The following LY96 variants were observed in gnomAD, a reference collection of about 807,000 sequenced individuals.
LY96 encodes myeloid differentiation protein-2.
In LY96, 18 loss-of-function variants were observed where a neutral mutation model predicts 18.9. That is an observed-to-expected ratio of 0.95 (90% CI 0.66 to 1.41). The LOEUF (loss-of-function observed/expected upper bound fraction) is 1.41, where lower values mean the gene tolerates loss of function less well. Among genes scored for constraint, LY96 ranks in the 40% most tolerant of loss-of-function variants. The probability of loss-of-function intolerance (pLI) is 0.00; values close to 1 mark genes in which losing one functional copy is unlikely to be tolerated. For missense variants in LY96, 175 were observed against 182.4 expected, an observed-to-expected ratio of 0.96 and a Z score of 0.23; for synonymous variants, 66 against 62.6, an observed-to-expected ratio of 1.06 and a Z score of -0.26.
At chr8:74,004,359 T>C (rs1172700937) in intron 1 of LY96, among the ~76,000 whole-genome samples, 1 of 152,114 alleles carries the variant, frequency 6.6e-6, no homozygotes, top group Non-Finnish European at 1.5e-5. Context: ...AAAAAGTTGG[T>C]GTTCTGGACA....
the LY96 span, among the ~76,000 whole-genome samples, chr8:74,048,451 T>A: frequency 6.6e-6 from 1 of 152,040 alleles, no homozygotes; most frequent in African/African-American, 2.4e-5. Context: ...CGGGTGGGCC[T>A]AAGCAGGCCA....
At chr8:74,024,361 A>C (rs974344953) in intron 3 of LY96, among the ~76,000 whole-genome samples, 1 of 150,472 alleles carries the variant, frequency 6.6e-6, no homozygotes, top group African/African-American at 2.4e-5. Context: ...TAATATATAC[A>C]TATATGACTA....
intron 3 of LY96, among the ~76,000 whole-genome samples, chr8:74,010,566 CTT>C (rs1816509096): frequency 6.6e-6 from 1 of 152,044 alleles, no homozygotes; most frequent in African/African-American, 2.4e-5. Flanking sequence ...AGCAATGTGA[CTT>C]TTGGCATGTT....
intron 2 of LY96, among the ~76,000 whole-genome samples, chr8:74,005,932 A>T (rs1312657830): frequency 2.0e-5 from 3 of 152,246 alleles, no homozygotes; most frequent in African/African-American, 7.2e-5. Flanking sequence ...GAGTAGTTTT[A>T]CATGAATAAG....
At chr8:74,033,554 C>A (rs961135604), downstream of LY96, among the ~76,000 whole-genome samples, 5 of 152,164 alleles carry the variant, frequency 3.3e-5, no homozygotes, top group Admixed American at 1.3e-4. Context: ...TCTTTTTCCC[C>A]TAGGACTGAT....
downstream of LY96, among the ~76,000 whole-genome samples, chr8:74,031,437 C>T (rs1816967689): frequency 6.6e-6 from 1 of 151,974 alleles, no homozygotes; most frequent in African/African-American, 2.4e-5. Flanking sequence ...ACCAGCCTGG[C>T]CAGTATGGTG....
intron 1 of LY96, among the ~76,000 whole-genome samples, chr8:73,996,523 T>C (rs1816150709): frequency 6.6e-6 from 1 of 151,642 alleles, no homozygotes; most frequent in East Asian, 1.9e-4. Flanking sequence ...GTTCAAGCGA[T>C]TTTCGTGCCT....
chr8:74,065,795 A>C, the LY96 span, among the ~76,000 whole-genome samples: 1 of 152,246 alleles, frequency 6.6e-6, no homozygotes, highest in African/African-American at 2.4e-5. Context: ...ACTGAGACAG[A>C]AACACATTTC....
chr8:74,050,673 C>A, the LY96 span, among the ~76,000 whole-genome samples: 20 of 152,026 alleles, frequency 1.3e-4, no homozygotes. Flanking sequence ...AGCACTATTA[C>A]CATCACCAAA....
the LY96 span, among the ~76,000 whole-genome samples, chr8:74,067,332 A>G: frequency 3.3e-5 from 5 of 152,166 alleles, no homozygotes; most frequent in Admixed American, 1.3e-4. Flanking sequence ...CCTGGGCTCA[A>G]GTGATACTTC....
the LY96 span, among the ~76,000 whole-genome samples, chr8:74,087,857 A>T: frequency 1.3e-5 from 2 of 152,284 alleles, no homozygotes; most frequent in Admixed American, 6.5e-5. Flanking sequence ...GGGCTCAACC[A>T]TCTCTCTTCT....
the LY96 span, among the ~76,000 whole-genome samples, chr8:74,077,434 A>G: frequency 6.6e-6 from 1 of 152,222 alleles, no homozygotes; most frequent in African/African-American, 2.4e-5. Flanking sequence ...AATCATGGTT[A>G]TGTAAGATAC....
the LY96 span, among the ~76,000 whole-genome samples, chr8:74,082,762 G>GT: frequency 0.044 from 6,743 of 152,240 alleles, 277 homozygotes; most frequent in African/African-American, 0.11. Flanking sequence ...AGCATGGACC[G>GT]TCATGGCGAA....
intron 1 of LY96, among the ~76,000 whole-genome samples, chr8:73,993,079 T>C (rs1303595235): frequency 1.3e-5 from 2 of 151,456 alleles, no homozygotes; most frequent in Non-Finnish European, 1.5e-5. Flanking sequence ...ACCAGGATGG[T>C]CTCAATGTCC....
the LY96 span, among the ~76,000 whole-genome samples, chr8:74,078,797 G>C: frequency 2.0e-5 from 3 of 152,062 alleles, no homozygotes; most frequent in Non-Finnish European, 4.4e-5. Flanking sequence ...AGAAAAATTA[G>C]AAAAGAAAAA....
chr8:74,041,276 G>A, the LY96 span, among the ~76,000 whole-genome samples: 5 of 151,996 alleles, frequency 3.3e-5, no homozygotes. Context: ...TCTTAATCCT[G>A]TTATCATCAT....
At chr8:74,095,365 T>C in the LY96 span, among the ~76,000 whole-genome samples, 1 of 152,224 alleles carries the variant, frequency 6.6e-6, no homozygotes, top group Non-Finnish European at 1.5e-5. Flanking sequence ...GACACAGATC[T>C]GTCCTTTAAG....
the LY96 span, among the ~76,000 whole-genome samples, chr8:74,095,330 C>A: frequency 6.6e-6 from 1 of 152,198 alleles, no homozygotes; most frequent in Non-Finnish European, 1.5e-5. Flanking sequence ...TTTTCCTACA[C>A]GCACAGAAGC....
the LY96 span, among the ~76,000 whole-genome samples, chr8:74,035,533 CCAGGGCA>C: frequency 6.6e-6 from 1 of 152,168 alleles, no homozygotes; most frequent in Non-Finnish European, 1.5e-5. Context: ...CTCCTCTCAG[CCAGGGCA>C]CTCCAAAGAT....
Sources: gnomAD v4.1 joint callset for allele counts (sites outside exome capture counted in the v4.1 genomes callset) on GRCh38, gnomAD v4.1.1 for gene constraint, MANE v1.5 for transcripts, NCBI Gene and HGNC (gene_info 2026-07-23, HGNC 2026-07-21) for gene names.